Variants in TBC1D5 observed in about 807,000 individuals in gnomAD.
TBC1D5 encodes the protein TBC1 domain family member 5.
A neutral mutation model predicts 100.3 loss-of-function variants in TBC1D5; 75 were observed. The observed-to-expected ratio is 0.75, with a 90% CI of 0.62 to 0.91. The LOEUF (loss-of-function observed/expected upper bound fraction) is 0.91. TBC1D5 is among the 40% of genes least tolerant of loss of function. The pLI, the probability that TBC1D5 is intolerant of heterozygous loss-of-function variation, is 0.00. For missense variants in TBC1D5, 910 were observed against 942.4 expected (o/e 0.97, Z 0.45); for synonymous variants, 323 against 325.6 (o/e 0.99, Z 0.09).
At chr3:17,193,161 T>C (rs1260053032) in intron 18 of TBC1D5, among the ~76,000 whole-genome samples, 2 of 152,244 alleles carry the variant, frequency 1.3e-5, no homozygotes, top group African/African-American at 2.4e-5. Flanking sequence ...TGAGTCAGGC[T>C]TTCTCCAGCC....
chr3:17,487,318 C>G, intron 3 of TBC1D5, among the ~76,000 whole-genome samples: 1 of 152,106 alleles, frequency 6.6e-6, no homozygotes, highest in East Asian at 1.9e-4. Context: ...TGTAAGTAAC[C>G]AAGCTATCAA....
chr3:17,639,392 T>C (rs867340977), intron 1 of TBC1D5, among the ~76,000 whole-genome samples: 1 of 151,682 alleles, frequency 6.6e-6, no homozygotes, highest in Non-Finnish European at 1.5e-5. Flanking sequence ...TAGGAGTTAA[T>C]GTACATAAGA....
chr3:17,298,139 A>G lies in TBC1D5; in HGVS notation c.1139-6138T>C, dbSNP rs78901098. On this transcript the variant is annotated intron_variant, in intron 14 of 21. Transcript: ENST00000253692. Reference sequence around the variant, plus strand: ...GAATTAGTTATATCTGAAAATAGACATACATACACTTTATTTCATTGTGTT... The same window carrying G: ...GAATTAGTTATATCTGAAAATAGACGTACATACACTTTATTTCATTGTGTT... Among the ~76,000 whole-genome samples the G allele has an allele frequency of 4.2e-3, 647 of 152,310 alleles. 4 individuals carry two copies. The highest frequency in any genetic ancestry group is 0.014 in the African/African-American group (584 of 41,568).
At chr3:17,212,046 T>C (rs1425853783) in intron 18 of TBC1D5, among the ~76,000 whole-genome samples, 1 of 152,218 alleles carries the variant, frequency 6.6e-6, no homozygotes, top group African/African-American at 2.4e-5. Context: ...TGATATTCTA[T>C]GTACCTTAAA....
At chr3:17,477,288 C>A (rs1381835464) in intron 3 of TBC1D5, among the ~76,000 whole-genome samples, 1 of 151,910 alleles carries the variant, frequency 6.6e-6, no homozygotes, top group Non-Finnish European at 1.5e-5. Flanking sequence ...ATTCTGTTTA[C>A]TAATATTTTA....
intron 2 of TBC1D5, among the ~76,000 whole-genome samples, chr3:17,545,380 A>T (rs1301868246): frequency 6.6e-6 from 1 of 152,194 alleles, no homozygotes; most frequent in Non-Finnish European, 1.5e-5. Flanking sequence ...CTGACACCTG[A>T]TCTCAGACTT....
chr3:17,358,887 G>GA (rs1233043223), intron 13 of TBC1D5, among the ~76,000 whole-genome samples: 6 of 151,780 alleles, frequency 4.0e-5, no homozygotes, highest in African/African-American at 1.2e-4. Context: ...AAAAATCATT[G>GA]AAAAATATCT....
intron 13 of TBC1D5, among the ~76,000 whole-genome samples, chr3:17,346,631 A>C (rs191500717): frequency 2.6e-5 from 4 of 152,280 alleles, no homozygotes; most frequent in Non-Finnish European, 5.9e-5. Context: ...CATTGAAATC[A>C]TACATAGAAA....
intron 17 of TBC1D5, among the ~76,000 whole-genome samples, chr3:17,235,762 T>C (rs1350716684): frequency 3.3e-5 from 5 of 152,186 alleles, no homozygotes; most frequent in Admixed American, 1.3e-4. Flanking sequence ...AATGGATGAA[T>C]AGAGAAGAGC....
At chr3:17,308,167 A>T in intron 13 of TBC1D5, 33 bp from the exon 14 acceptor site, 1 of 1,549,880 alleles carries the variant, frequency 6.5e-7, no homozygotes, top group Non-Finnish European at 8.6e-7. Flanking sequence ...TTCAGAAGAC[A>T]GTACTTTTGA....
intron 13 of TBC1D5, among the ~76,000 whole-genome samples, chr3:17,320,100 T>C (rs184134768): frequency 2.0e-5 from 3 of 152,328 alleles, no homozygotes; most frequent in Admixed American, 2.0e-4. Flanking sequence ...TGATTATCTT[T>C]GTACAGGTCT....
chr3:17,265,624 C>G (rs2078765688), intron 15 of TBC1D5, among the ~76,000 whole-genome samples: 1 of 152,088 alleles, frequency 6.6e-6, no homozygotes, highest in Non-Finnish European at 1.5e-5. Flanking sequence ...AAAGGCAAAG[C>G]ATTACAGGGT....
intron 17 of TBC1D5, among the ~76,000 whole-genome samples, chr3:17,225,817 C>G (rs2074823717): frequency 6.6e-6 from 1 of 152,122 alleles, no homozygotes; most frequent in Non-Finnish European, 1.5e-5. Context: ...GTACTCCAGT[C>G]TGGGCAACAG....
intron 18 of TBC1D5, among the ~76,000 whole-genome samples, chr3:17,186,710 C>CAAAAAAAAAAAAAAAAA (rs58438478): frequency 1.8e-4 from 5 of 27,282 alleles, no homozygotes; most frequent in Non-Finnish European, 2.0e-4. Context: ...ACTCTATCTC[C>CAAAAAAAAAAAAAAAAA]AAAAAAAAAA....
At chr3:17,252,854 A>C (rs189080190) in intron 16 of TBC1D5, among the ~76,000 whole-genome samples, 80 of 152,342 alleles carry the variant, frequency 5.3e-4, no homozygotes, top group Admixed American at 1.0e-3. Context: ...CCTGGCACAG[A>C]GAAGAAATTA....
chr3:17,362,943 C>T (rs999862451), intron 13 of TBC1D5, among the ~76,000 whole-genome samples: 2 of 152,128 alleles, frequency 1.3e-5, no homozygotes, highest in African/African-American at 4.8e-5. Context: ...CCATAAAGAT[C>T]CTTTCCATGC....
At chr3:17,655,459 T>TTA (rs10689924) in intron 1 of TBC1D5, among the ~76,000 whole-genome samples, 73,065 of 148,368 alleles carry the variant, frequency 0.49, 19,580 homozygotes, top group East Asian at 0.94. Flanking sequence ...AGTATAATAA[T>TTA]AATTAAATTA....
At chr3:17,568,563 C>T (rs940085683) in intron 2 of TBC1D5, among the ~76,000 whole-genome samples, 1 of 151,282 alleles carries the variant, frequency 6.6e-6, no homozygotes, top group Non-Finnish European at 1.5e-5. Context: ...TACTAAATCT[C>T]CCTTATTTGA....
intron 21 of TBC1D5, among the ~76,000 whole-genome samples, chr3:17,162,811 T>C (rs547158038): frequency 4.5e-4 from 69 of 152,252 alleles, no homozygotes; most frequent in African/African-American, 1.1e-3. Context: ...GGGGAGTGCA[T>C]TGAAAGCTGC....
Sources: gnomAD v4.1 joint callset for allele counts (sites outside exome capture counted in the v4.1 genomes callset) on GRCh38, gnomAD v4.1.1 for gene constraint, MANE v1.5 for transcripts, NCBI Gene and HGNC (gene_info 2026-07-23, HGNC 2026-07-21) for gene names.